The following DAB1 variants were observed in gnomAD, a reference collection of about 807,000 sequenced individuals.
DAB1 encodes DAB adaptor protein 1.
DAB1 carries 15 observed loss-of-function variants against 64.6 expected under a neutral mutation model. That is an observed-to-expected ratio of 0.23 (90% CI 0.16 to 0.36). The LOEUF is 0.36. DAB1 is among the 10% of genes least tolerant of loss of function. The pLI is 1.00. For synonymous variants in DAB1, 235 were observed against 251.9 expected (o/e 0.93, Z 0.64); for missense variants, 596 against 706.7 (o/e 0.84, Z 1.78).
chr1:57,850,821 A>G (rs987343977), intron 1 of DAB1, among the ~76,000 whole-genome samples: 2 of 152,120 alleles, frequency 1.3e-5, no homozygotes, highest in Admixed American at 1.3e-4. Context: ...GCTGTGCGTG[A>G]CTTGAAATTT....
intron 3 of DAB1, among the ~76,000 whole-genome samples, chr1:58,400,358 C>T (rs1644558404): frequency 6.6e-6 from 1 of 152,094 alleles, no homozygotes; most frequent in South Asian, 2.1e-4. Flanking sequence ...ACCAGACACC[C>T]ATCCCTGGTC....
At chr1:57,989,783 T>C (rs1013899319) in intron 5 of DAB1, among the ~76,000 whole-genome samples, 1 of 152,150 alleles carries the variant, frequency 6.6e-6, no homozygotes, top group African/African-American at 2.4e-5. Context: ...TGATTTCCAC[T>C]TTGAGCTTAC....
rs538564589 is a variant in DAB1, at chr1:58,414,894, T to C, written n.258-71491A>G. Among the ~76,000 whole-genome samples, 271 of 152,270 alleles carry C rather than the reference T, an allele frequency of 1.8e-3. 2 individuals carry two copies. The highest frequency in any genetic ancestry group is 2.9e-3 in the South Asian group (14 of 4,826). On this transcript the variant is annotated intron_variant and non_coding_transcript_variant, in intron 3 of 20. Transcript: ENST00000485760. Reference sequence around the variant, plus strand: ...AGATCTCGGTTAAGGAAACGAAGTGTCTGAAAAAATAAAAATTTTAATAAT... The same window carrying C: ...AGATCTCGGTTAAGGAAACGAAGTGCCTGAAAAAATAAAAATTTTAATAAT...
At chr1:58,421,506 T>G (rs1185737360) in intron 3 of DAB1, among the ~76,000 whole-genome samples, 1 of 152,162 alleles carries the variant, frequency 6.6e-6, no homozygotes, top group East Asian at 1.9e-4. Flanking sequence ...TCACATCTTC[T>G]TTAGAGGAAA....
At chr1:57,052,544 A>T (rs148190231) in intron 9 of DAB1, among the ~76,000 whole-genome samples, 2 of 152,266 alleles carry the variant, frequency 1.3e-5, no homozygotes, top group African/African-American at 4.8e-5. Flanking sequence ...CAACACCATA[A>T]CTCACTTCTG....
chr1:57,786,169 CAT>C (rs1451521978), intron 6 of DAB1, among the ~76,000 whole-genome samples: 8 of 152,144 alleles, frequency 5.3e-5, no homozygotes, highest in Non-Finnish European at 1.2e-4. Flanking sequence ...CTTTTAAAGA[CAT>C]AATACTTTTG....
chr1:57,553,410 G>GAAAAAGAA lies in DAB1; in HGVS notation n.625+96181_625+96182insTTCTTTTT, dbSNP rs879761183. Reference sequence around the variant, plus strand: ...AGAAAGAAAGAAAGAAAGAAAGAAAGAAAGAAAGAAAGAAAGAAAGAAAGA... The same window carrying GAAAAAGAA: ...AGAAAGAAAGAAAGAAAGAAAGAAAGAAAAAGAAAAAGAAAGAAAGAAAGAAAGAAAGA... On this transcript the variant is annotated intron_variant and non_coding_transcript_variant, in intron 7 of 20. Transcript: ENST00000485760. Among the ~76,000 whole-genome samples, 2 of 85,698 alleles carry GAAAAAGAA rather than the reference G, an allele frequency of 2.3e-5. 1 individual carries two copies. Among genetic ancestry groups the GAAAAAGAA allele is most frequent in the Non-Finnish European group, 4.2e-5 (2 of 48,106 alleles). 56.2% of individuals were successfully genotyped at this position (85,698 alleles called of 152,430 possible).
At chr1:58,118,503 T>TATATATATATAC (rs1341446315) in intron 5 of DAB1, among the ~76,000 whole-genome samples, 237 of 53,042 alleles carry the variant, frequency 4.5e-3, no homozygotes, top group African/African-American at 8.8e-3. Context: ...TATATATATA[T>TATATATATATAC]ACACACACAC....
chr1:58,138,853 T>A (rs1654103575), intron 5 of DAB1, among the ~76,000 whole-genome samples: 1 of 151,846 alleles, frequency 6.6e-6, no homozygotes, highest in Admixed American at 6.6e-5. Flanking sequence ...GCTGAAGAGT[T>A]TGGATCAATG....
Position 57,029,263 on chromosome 1 carries a change from C to T in DAB1, c.724-3220G>A, listed in dbSNP as rs112550019. Among the ~76,000 whole-genome samples, 110 of 152,246 alleles carry T rather than the reference C, an allele frequency of 7.2e-4. 1 individual carries two copies. Among genetic ancestry groups the T allele is most frequent in the African/African-American group, 2.3e-3 (94 of 41,552 alleles). ...CAACTTCCATGTGGTATTGAGTCTA[C>T]GGGTGCACAGAAGTCAAGAATTGAA... On this transcript the variant is annotated intron_variant, in intron 9 of 14. Transcript: ENST00000371236.
chr1:57,947,746 T>C (rs1645205303), intron 5 of DAB1, among the ~76,000 whole-genome samples: 1 of 152,156 alleles, frequency 6.6e-6, no homozygotes, highest in Admixed American at 6.6e-5. Flanking sequence ...TGGAAGGAAT[T>C]TGCAAAGTGG....
chr1:57,024,413 G>A (rs985209694), intron 10 of DAB1, among the ~76,000 whole-genome samples: 1 of 152,042 alleles, frequency 6.6e-6, no homozygotes, highest in Non-Finnish European at 1.5e-5. Context: ...TTTATAGCAG[G>A]CTTTTGCCTA....
intron 3 of DAB1, chr1:58,506,014 A>G: frequency 1.2e-6 from 1 of 801,980 alleles, no homozygotes; most frequent in Non-Finnish European, 2.2e-6. Flanking sequence ...TTAAAAATAA[A>G]TGATACAGTA....
At chr1:58,530,166 C>A (rs1389858229) in intron 1 of DAB1, among the ~76,000 whole-genome samples, 2 of 152,192 alleles carry the variant, frequency 1.3e-5, no homozygotes, top group African/African-American at 4.8e-5. Context: ...CAGGCATGAG[C>A]CACGGCGCCC....
At chr1:58,160,222 C>T (rs184258732) in intron 4 of DAB1, among the ~76,000 whole-genome samples, 8 of 152,190 alleles carry the variant, frequency 5.3e-5, no homozygotes, top group African/African-American at 1.9e-4. Context: ...AGCTGTCACC[C>T]AGTCTGTCTG....
At chr1:57,789,562 G>C (rs1361787977) in intron 6 of DAB1, among the ~76,000 whole-genome samples, 1 of 152,150 alleles carries the variant, frequency 6.6e-6, no homozygotes, top group East Asian at 1.9e-4. Context: ...ACATGGCAGG[G>C]AGCAGAGAAA....
intron 4 of DAB1, among the ~76,000 whole-genome samples, chr1:58,215,410 T>C (rs1224188053): frequency 1.3e-5 from 2 of 151,988 alleles, no homozygotes; most frequent in Non-Finnish European, 2.9e-5. Context: ...TGTTTTTTTT[T>C]TTTTTTTTAC....
intron 1 of DAB1, chr1:58,530,759 A>C (rs749671429): frequency 1.2e-6 from 1 of 862,660 alleles, no homozygotes; most frequent in African/African-American, 1.6e-5. Flanking sequence ...TAAAAACTAC[A>C]TTTTATACAT....
chr1:58,460,907 A>G (rs918031407), intron 3 of DAB1, among the ~76,000 whole-genome samples: 2 of 152,234 alleles, frequency 1.3e-5, no homozygotes, highest in African/African-American at 4.8e-5. Context: ...CATGGTGCAG[A>G]GGAGCCACCC....
Sources: gnomAD v4.1 joint callset for allele counts (sites outside exome capture counted in the v4.1 genomes callset) on GRCh38, gnomAD v4.1.1 for gene constraint, MANE v1.5 for transcripts, NCBI Gene and HGNC (gene_info 2026-07-23, HGNC 2026-07-21) for gene names.